The following EBF1 variants were observed in gnomAD, a reference collection of about 807,000 sequenced individuals.
The protein encoded by EBF1 is EBF transcription factor 1.
A neutral mutation model predicts 68.4 loss-of-function variants in EBF1; 10 were observed. The observed-to-expected ratio is 0.15, with a 90% CI of 0.09 to 0.25. EBF1 has a LOEUF of 0.25. Among genes scored for constraint, EBF1 ranks in the 10% least tolerant of loss-of-function variants. The pLI is 1.00. For missense variants in EBF1, 509 were observed against 794.4 expected, an observed-to-expected ratio of 0.64 and a Z score of 4.32; for synonymous variants, 298 against 299.8, an observed-to-expected ratio of 0.99 and a Z score of 0.06.
In EBF1 at chr5:158,969,896, G is replaced by GAAAGAAAGA. The variant is rs1554093845; in HGVS notation, c.554+103491_554+103499dup. On this transcript the variant is annotated intron_variant, in intron 6 of 15. Coordinates refer to ENST00000313708, the MANE Select transcript of EBF1 (RefSeq NM_024007.5). ...AGAAAGAAAGAAAGAAAGAAAGAAAGAAAGAAAGAAAGAAAGAAAGAAAAA... is the reference window on the plus strand; with the variant it reads ...AGAAAGAAAGAAAGAAAGAAAGAAAGAAAGAAAGAAAAGAAAGAAAGAAAGAAAGAAAAA... Among the ~76,000 whole-genome samples, 12 of 99,970 alleles carry GAAAGAAAGA rather than the reference G, an allele frequency of 1.2e-4. 1 individual carries two copies. The highest frequency in any genetic ancestry group is 3.3e-4 in the Admixed American group (3 of 9,120). 65.6% of individuals were successfully genotyped at this position (99,970 alleles called of 152,430 possible). A position where few individuals can be genotyped will look rare whatever the true frequency, so the allele number is the denominator to read the frequency against.
At chr5:158,838,211 C>T (rs1313341736) in intron 7 of EBF1, among the ~76,000 whole-genome samples, 11 of 151,894 alleles carry the variant, frequency 7.2e-5, no homozygotes, top group African/African-American at 1.7e-4. Context: ...TTTGGGAGGC[C>T]GAGACAAGCA....
At chr5:158,913,339 C>T (rs1169281907) in intron 6 of EBF1, among the ~76,000 whole-genome samples, 6 of 152,158 alleles carry the variant, frequency 3.9e-5, no homozygotes, top group Admixed American at 2.6e-4. Context: ...ACCAGGGCTT[C>T]ATGGTTCTAA....
At chr5:158,859,486 G>T (rs1009419131) in intron 6 of EBF1, among the ~76,000 whole-genome samples, 2 of 152,124 alleles carry the variant, frequency 1.3e-5, no homozygotes, top group Admixed American at 6.5e-5. Context: ...TACACTTTGG[G>T]TATCTGTGCA....
intron 6 of EBF1, among the ~76,000 whole-genome samples, chr5:158,964,982 TCAAA>T (rs1753824596): frequency 6.6e-6 from 1 of 152,316 alleles, no homozygotes; most frequent in Admixed American, 6.5e-5. Context: ...ATGTGATGCG[TCAAA>T]CAAATAATCC....
At chr5:158,750,962 T>G (rs1010334158) in intron 10 of EBF1, among the ~76,000 whole-genome samples, 8 of 152,096 alleles carry the variant, frequency 5.3e-5, no homozygotes, top group African/African-American at 1.9e-4. Flanking sequence ...AAATCCACAC[T>G]GTGGGAGATG....
intron 8 of EBF1, among the ~76,000 whole-genome samples, chr5:158,818,642 A>T (rs1169060783): frequency 6.6e-6 from 1 of 152,132 alleles, no homozygotes. Flanking sequence ...GTTTTTATTT[A>T]TCTTGAAATC....
intron 10 of EBF1, among the ~76,000 whole-genome samples, chr5:158,734,910 G>T (rs866233870): frequency 2.0e-5 from 3 of 152,144 alleles, no homozygotes; most frequent in Non-Finnish European, 4.4e-5. Flanking sequence ...CTGAGAGGGT[G>T]TCACCCTAAA....
In EBF1 at chr5:159,099,652, T is replaced by TA; in HGVS notation, c.-175_-174insT. ...ATCAAGGCGGGCTGGAAAGCAAATT[T>TA]TTAAAAAATGTAAACCTCTGCTCAA... On this transcript the variant is annotated 5_prime_UTR_variant, in exon 1 of 16. Transcript: ENST00000313708. 2.4e-6 allele frequency: 2 copies of TA among 819,540 alleles called. No individual in the cohort carries two copies. Among genetic ancestry groups the TA allele is most frequent in the Non-Finnish European group, 3.4e-6 (2 of 579,996 alleles). The allele number at this position is 819,540 out of a possible 1,614,324, so 50.8% of individuals were successfully genotyped here. A position where few individuals can be genotyped will look rare whatever the true frequency, so the allele number is the denominator to read the frequency against.
At chr5:159,026,392 A>T (rs964930961) in intron 6 of EBF1, among the ~76,000 whole-genome samples, 1 of 152,170 alleles carries the variant, frequency 6.6e-6, no homozygotes, top group East Asian at 1.9e-4. Context: ...GTGTAAGAAC[A>T]TTTAAGACTA....
At chr5:158,911,175 A>G (rs7380888) in intron 6 of EBF1, among the ~76,000 whole-genome samples, 9,081 of 152,250 alleles carry the variant, frequency 0.06, 460 homozygotes, top group Non-Finnish European at 0.083. Flanking sequence ...AACCTCTGCA[A>G]ATCTCCTTCC....
chr5:158,727,769 T>C (rs1763290106), intron 11 of EBF1, among the ~76,000 whole-genome samples: 1 of 152,236 alleles, frequency 6.6e-6, no homozygotes, highest in South Asian at 2.1e-4. Context: ...ATGGTAAAGA[T>C]GTCTGCTGCC....
intron 10 of EBF1, among the ~76,000 whole-genome samples, chr5:158,776,488 T>C (rs562254117): frequency 6.6e-6 from 1 of 152,300 alleles, no homozygotes; most frequent in African/African-American, 2.4e-5. Flanking sequence ...CACTGCTCTG[T>C]TATCTCTTTG....
intron 6 of EBF1, among the ~76,000 whole-genome samples, chr5:158,897,869 C>T (rs911252970): frequency 2.0e-5 from 3 of 152,120 alleles, no homozygotes; most frequent in African/African-American, 7.2e-5. Context: ...GTGGTGTGAG[C>T]TTTGACAGTG....
chr5:158,773,186 C>T (rs1199801524), intron 10 of EBF1, among the ~76,000 whole-genome samples: 1 of 151,970 alleles, frequency 6.6e-6, no homozygotes, highest in South Asian at 2.1e-4. Context: ...GGAGAAAAAA[C>T]GGAAAACTTA....
chr5:159,053,737 G>A (rs904813012), intron 6 of EBF1, among the ~76,000 whole-genome samples: 2 of 151,920 alleles, frequency 1.3e-5, no homozygotes, highest in African/African-American at 2.4e-5. Context: ...TATGTACCCC[G>A]GAATAAAAGG....
At chr5:158,921,518 G>T (rs1165017819) in intron 6 of EBF1, among the ~76,000 whole-genome samples, 1 of 152,138 alleles carries the variant, frequency 6.6e-6, no homozygotes, top group African/African-American at 2.4e-5. Context: ...TAATATTTTT[G>T]AGGTCAGCAG....
At chr5:158,812,960 T>C (rs895686072) in intron 8 of EBF1, among the ~76,000 whole-genome samples, 2 of 152,168 alleles carry the variant, frequency 1.3e-5, no homozygotes. Flanking sequence ...TAAAGGACTT[T>C]CTTTTAAAAA....
chr5:158,851,547 G>A (rs1476384693), intron 6 of EBF1, among the ~76,000 whole-genome samples: 2 of 50,378 alleles, frequency 4.0e-5, no homozygotes, highest in African/African-American at 1.6e-4. Context: ...AGGGGAGAGG[G>A]GAGGAGAGAG....
At chr5:158,701,553 T>G (rs1314750203) in intron 15 of EBF1, among the ~76,000 whole-genome samples, 1 of 152,174 alleles carries the variant, frequency 6.6e-6, no homozygotes, top group African/African-American at 2.4e-5. Flanking sequence ...GAGCCCAGGC[T>G]GCGAACAGCA....
Sources: allele counts gnomAD v4.1 joint callset (sites outside exome capture counted in the v4.1 genomes callset), GRCh38; gene constraint gnomAD v4.1.1; transcripts MANE v1.5; gene names NCBI Gene and HGNC (gene_info 2026-07-23, HGNC 2026-07-21).